The following RASA2 variants were observed in gnomAD, a reference collection of about 807,000 sequenced individuals.
The protein encoded by RASA2 is ras GTPase-activating protein 2.
Under a neutral mutation model 118.2 loss-of-function variants are expected in RASA2, and 155 were observed. That is an observed-to-expected ratio of 1.31 (90% CI 1.15 to 1.50). The LOEUF is 1.50. RASA2 is among the 40% of genes most tolerant of loss of function. The pLI is 0.00. For missense variants in RASA2, 1,016 were observed against 1,009.6 expected, an observed-to-expected ratio of 1.01 and a Z score of -0.09; for synonymous variants, 353 against 349.1, an observed-to-expected ratio of 1.01 and a Z score of -0.12.
At chr3:141,500,392 A>G (rs748205376) in intron 1 of RASA2, among the ~76,000 whole-genome samples, 1 of 152,150 alleles carries the variant, frequency 6.6e-6, no homozygotes, top group Non-Finnish European at 1.5e-5. Flanking sequence ...TTCTTGTGTA[A>G]GATTTATTAT....
At chr3:141,586,879 A>G (rs1173344373) in intron 19 of RASA2, 127 bp downstream of exon 19, 1 of 764,746 alleles carries the variant, frequency 1.3e-6, no homozygotes, top group South Asian at 1.5e-5. Context: ...TCACACTGAT[A>G]CATACGTACT....
At chr3:141,573,762 A>T (rs1191594653) in intron 13 of RASA2, among the ~76,000 whole-genome samples, 182 bp from the exon 14 acceptor site, 3 of 152,212 alleles carry the variant, frequency 2.0e-5, no homozygotes, top group Non-Finnish European at 4.4e-5. Context: ...TAATTTATTA[A>T]ATTAAGTCAG....
At chr3:141,576,256 A>G (rs1305832526) in intron 14 of RASA2, among the ~76,000 whole-genome samples, 1 of 152,084 alleles carries the variant, frequency 6.6e-6, no homozygotes, top group Non-Finnish European at 1.5e-5. Flanking sequence ...TGGGGGAAGG[A>G]GGGCAGAGCA....
At chr3:141,531,653 A>C (rs532934401) in intron 4 of RASA2, among the ~76,000 whole-genome samples, 1 of 152,150 alleles carries the variant, frequency 6.6e-6, no homozygotes, top group Non-Finnish European at 1.5e-5. Flanking sequence ...TCATTTAAAA[A>C]TTTTGTACAA....
At position 141,571,471 on chromosome 3, in the gene RASA2, G is replaced by A; in HGVS notation, c.1086G>A (p.Leu362=). 1.2e-6 allele frequency: 2 copies of A among 1,613,524 alleles called. No individual in the cohort carries two copies. The highest frequency in any genetic ancestry group is 1.7e-6 in the Non-Finnish European group (2 of 1,179,672). Residue 362 remains leucine, a synonymous_variant, in exon 11 of 24, where the codon TTG becomes TTA. Transcript: ENST00000286364. The part of the protein sequence containing the change: ...EICRDKNDAV[L]PLVRLLLHHD... ...GTCGAGATAAAAATGATGCTGTTTTGCCCCTTGTACGACTGCTGCTGCACC... is the reference window on the plus strand; with the variant it reads ...GTCGAGATAAAAATGATGCTGTTTTACCCCTTGTACGACTGCTGCTGCACC...
chr3:141,545,726 A>G (rs1390465547), intron 5 of RASA2, among the ~76,000 whole-genome samples: 3 of 152,002 alleles, frequency 2.0e-5, no homozygotes, highest in African/African-American at 7.2e-5. Flanking sequence ...GATTACAGGC[A>G]TGAGCCACCA....
chr3:141,493,558 A>G (rs2081663356), intron 1 of RASA2, among the ~76,000 whole-genome samples: 1 of 152,208 alleles, frequency 6.6e-6, no homozygotes, highest in African/African-American at 2.4e-5. Flanking sequence ...TCACAAATAG[A>G]TTAGCCACAT....
chr3:141,495,792 A>C (rs1184706907), intron 1 of RASA2, among the ~76,000 whole-genome samples: 1 of 152,248 alleles, frequency 6.6e-6, no homozygotes, highest in African/African-American at 2.4e-5. Flanking sequence ...GTAAAACAGA[A>C]TAATTGGAGA....
rs891538548 is a variant in RASA2, at chr3:141,615,176, T to G, written c.*2863T>G. Reference sequence around the variant, plus strand: ...AAATATTGGTTTTTACAGTACCCAGTTTGAAAATGTAAGTTATCAAAACTT... The same window carrying G: ...AAATATTGGTTTTTACAGTACCCAGGTTGAAAATGTAAGTTATCAAAACTT... On this transcript the variant is annotated 3_prime_UTR_variant, in exon 24 of 24. Transcript: ENST00000286364. 6.6e-6 allele frequency: 1 copy of G among 152,192 alleles called. No homozygotes were observed. Among genetic ancestry groups the G allele is most frequent in the African/African-American group, 2.4e-5 (1 of 41,452 alleles). 9.4% of individuals were successfully genotyped at this position (152,192 alleles called of 1,614,324 possible). A position where few individuals can be genotyped will look rare whatever the true frequency, so the allele number is the denominator to read the frequency against.
intron 14 of RASA2, among the ~76,000 whole-genome samples, chr3:141,575,532 T>C (rs1469437774): frequency 6.6e-6 from 1 of 152,240 alleles, no homozygotes; most frequent in Non-Finnish European, 1.5e-5. Context: ...TGTTCTCATC[T>C]TCACAAAACC....
intron 5 of RASA2, among the ~76,000 whole-genome samples, chr3:141,542,619 C>T (rs2082421311): frequency 6.6e-6 from 1 of 152,028 alleles, no homozygotes; most frequent in South Asian, 2.1e-4. Context: ...TCTTGCATGA[C>T]TATAGCACAA....
At chr3:141,519,862 A>G (rs1016036768) in intron 3 of RASA2, among the ~76,000 whole-genome samples, 1 of 152,118 alleles carries the variant, frequency 6.6e-6, no homozygotes, top group African/African-American at 2.4e-5. Context: ...ATACTAATAT[A>G]TTAATACTAA....
At chr3:141,496,976 T>C (rs2081711666) in intron 1 of RASA2, among the ~76,000 whole-genome samples, 1 of 152,160 alleles carries the variant, frequency 6.6e-6, no homozygotes, top group Non-Finnish European at 1.5e-5. Context: ...CATGGAATAC[T>C]ATGCAGCCAT....
rs1045700180 is a variant in RASA2 at position 141,487,040 on chromosome 3, C to G, written c.-44C>G. On this transcript the variant is annotated 5_prime_UTR_variant, in exon 1 of 24. Coordinates refer to ENST00000286364, the MANE Select transcript of RASA2 (RefSeq NM_006506.5). ...GGCCGCTGCTGGGCTCCGCCTCGCC[C>G]GGCTACGCAGGCGGCAGGGCTGCGG... 9.4e-6 allele frequency: 11 copies of G among 1,172,594 alleles called. No homozygotes were observed. Among genetic ancestry groups the G allele is most frequent in the Middle Eastern group, 3.6e-4 (1 of 2,782 alleles). 72.6% of individuals were successfully genotyped at this position (1,172,594 alleles called of 1,614,324 possible). A position where few individuals can be genotyped will look rare whatever the true frequency, so the allele number is the denominator to read the frequency against.
intron 8 of RASA2, among the ~76,000 whole-genome samples, chr3:141,559,345 A>G (rs1577734359): frequency 6.6e-6 from 1 of 152,096 alleles, no homozygotes; most frequent in East Asian, 1.9e-4. Context: ...CAGAAATTTC[A>G]GTGAGGTAAG....
At position 141,487,162 on chromosome 3, in the gene RASA2, G is replaced by T; in HGVS notation, c.79G>T (p.Gly27Trp). The T allele has an allele frequency of 6.8e-7, 1 of 1,469,774 alleles. No individual in the cohort carries two copies. Among genetic ancestry groups the T allele is most frequent in the Non-Finnish European group, 9.1e-7 (1 of 1,102,942 alleles). The allele number at this position is 1,469,774 out of a possible 1,614,324, so 91.0% of individuals were successfully genotyped here. ...AASATAEPEA[G>W]DQDSREVRVL... The stretch of plus-strand genomic sequence containing the variant: ...GAGTGCGACTGCAGAGCCCGAGGCC[G>T]GGGACCAGGACAGTCGCGAGGTTCG... Residue 27 changes from glycine (G) to tryptophan (W), a missense_variant, in exon 1 of 24, where the codon GGG becomes TGG. Around this residue, in one of 2 missense-constraint regions of RASA2, gnomAD observed 896 missense variants for 836.4 expected, o/e 1.07. Transcript: ENST00000286364.
chr3:141,544,312 A>C (rs1019713160), intron 5 of RASA2, among the ~76,000 whole-genome samples: 4 of 152,110 alleles, frequency 2.6e-5, no homozygotes, highest in Non-Finnish European at 4.4e-5. Context: ...GGGAATTTTC[A>C]ACCATTATTT....
chr3:141,537,782 G>A (rs1449336655), intron 4 of RASA2, among the ~76,000 whole-genome samples: 1 of 151,924 alleles, frequency 6.6e-6, no homozygotes, highest in African/African-American at 2.4e-5. Context: ...GAAAAAAAAA[G>A]CAATTTTAAA....
chr3:141,553,874 G>A lies in RASA2; in HGVS notation c.545G>A (p.Gly182Glu). 3 of 1,611,198 alleles carry A rather than the reference G, an allele frequency of 1.9e-6. No individual in the cohort carries two copies. Among genetic ancestry groups the A allele is most frequent in the Non-Finnish European group, 2.5e-6 (3 of 1,178,364 alleles). Residue 182 changes from glycine (G) to glutamate (E), a missense_variant, in exon 6 of 24, where the codon GGG (glycine) becomes GAG (glutamate). Coordinates refer to ENST00000286364, the MANE Select transcript of RASA2 (RefSeq NM_006506.5). ...QLVVHIKACH[G>E]LPLINGQSCD... is the part of the protein sequence containing the mutation. ...TACCTTAGCATCAAGGCATGCCATG[G>A]GTTGCCTCTCATAAATGGCCAAAGC...
Sources: allele counts gnomAD v4.1 joint callset (sites outside exome capture counted in the v4.1 genomes callset), GRCh38; gene constraint gnomAD v4.1.1; regional missense constraint gnomAD v4.1.1; transcripts MANE v1.5; gene names NCBI Gene and HGNC (gene_info 2026-07-23, HGNC 2026-07-21).